OS9: variants seen among roughly 807,000 people sequenced by gnomAD.
The protein encoded by OS9 is OS9 endoplasmic reticulum lectin.
OS9 carries 58 observed loss-of-function variants against 84.7 expected under a neutral mutation model. The ratio of observed to expected loss-of-function variants is 0.68; its 90% confidence interval spans 0.55 to 0.85. OS9 has a LOEUF of 0.85. Ranked by LOEUF, OS9 falls within the 40% of genes least tolerant of loss-of-function variation. The pLI, the probability that OS9 is intolerant of heterozygous loss-of-function variation, is 0.00. For missense variants in OS9, 760 were observed against 850.9 expected (o/e 0.89, Z 1.33); for synonymous variants, 278 against 320.8 (o/e 0.87, Z 1.43).
intron 5 of OS9, among the ~76,000 whole-genome samples, chr12:57,705,911 C>T (rs1954152717): frequency 6.6e-6 from 1 of 152,098 alleles, no homozygotes; most frequent in Non-Finnish European, 1.5e-5. Context: ...CTTTTTTGAA[C>T]TCTTTCATTT....
At chr12:57,719,682 A>G (rs933529067) in intron 12 of OS9, 5 of 196,070 alleles carry the variant, frequency 2.6e-5, no homozygotes, top group African/African-American at 9.4e-5. Flanking sequence ...AGATATTCTA[A>G]ATGGAATGTT....
At chr12:57,717,657 G>A (rs1048212821) in intron 9 of OS9, among the ~76,000 whole-genome samples, 8 of 151,984 alleles carry the variant, frequency 5.3e-5, no homozygotes, top group Admixed American at 3.3e-4. Context: ...GCTGGGTGTG[G>A]TGGCAGGCGC....
intron 5 of OS9, among the ~76,000 whole-genome samples, chr12:57,699,491 C>T (rs768128838): frequency 9.9e-5 from 15 of 152,036 alleles, no homozygotes; most frequent in Admixed American, 5.9e-4. Context: ...GACATGGAAA[C>T]GAGGAAGGAC....
At chr12:57,714,269 C>T (rs1633360) in intron 5 of OS9, among the ~76,000 whole-genome samples, 80,182 of 151,972 alleles carry the variant, frequency 0.53, 21,715 homozygotes, top group Middle Eastern at 0.69. Context: ...TGCAATGGTG[C>T]GATCTCGGCT....
intron 5 of OS9, among the ~76,000 whole-genome samples, 193 bp downstream of exon 5, chr12:57,696,566 C>T (rs889253979): frequency 2.6e-5 from 4 of 151,354 alleles, no homozygotes; most frequent in East Asian, 1.9e-4. Context: ...GAGGCCGAGG[C>T]GGGCAGATCA....
rs371514476 is a variant in OS9, at chr12:57,715,812, A to T, written c.632A>T (p.Asp211Val). Residue 211 changes from aspartate (D) to valine (V), a missense_variant, in exon 6 of 15, where the codon GAC becomes GTC. Physicochemically the swap from Asp to Val is radical, Grantham distance 152. Coordinates refer to ENST00000315970, the MANE Select transcript of OS9 (RefSeq NM_006812.4). ...TCTGGGGACTACATCGATCGCGTGGACGAGCCCTTGTCCTGCTCTTATGTG... is the reference window on the plus strand; with the variant it reads ...TCTGGGGACTACATCGATCGCGTGGTCGAGCCCTTGTCCTGCTCTTATGTG... Reference protein sequence around the residue: ...GISGDYIDRVDEPLSCSYVLT... With the variant: ...GISGDYIDRVVEPLSCSYVLT... 1.2e-6 allele frequency: 2 copies of T among 1,613,810 alleles called. No homozygotes were observed. The highest frequency in any genetic ancestry group is 2.7e-5 in the African/African-American group (2 of 74,906).
chr12:57,718,102 G>C, intron 10 of OS9, 44 bp from the exon 11 acceptor site: 1 of 1,594,180 alleles, frequency 6.3e-7, no homozygotes, highest in Non-Finnish European at 8.6e-7. Context: ...ATGTGTCTCT[G>C]TTGAAACCCC....
chr12:57,698,788 G>A (rs550744371), intron 5 of OS9, among the ~76,000 whole-genome samples: 12 of 152,290 alleles, frequency 7.9e-5, no homozygotes, highest in South Asian at 2.1e-4. Context: ...GAGGAGTGTA[G>A]GAGATGAGTC....
intron 9 of OS9, 45 bp downstream of exon 9, chr12:57,716,789 T>C: frequency 1.3e-6 from 2 of 1,565,456 alleles, no homozygotes; most frequent in Non-Finnish European, 1.8e-6. Flanking sequence ...TATTTTAGGA[T>C]TGGCAGGGGT....
Position 57,715,744 on chromosome 12 carries a change from C to T in OS9, c.580-16C>T. ...TTGTTGGTGATTAAGTGTATTCATC[C>T]TTTCTGTCCTGGCAGTTCCTCTGTG... is the stretch of plus-strand genomic sequence containing the variant. On this transcript the variant is annotated splice_polypyrimidine_tract_variant and intron_variant, in intron 5 of 14. Transcript: ENST00000315970. 1 of 1,570,132 alleles carries T rather than the reference C, an allele frequency of 6.4e-7. No individual in the cohort carries two copies. Among genetic ancestry groups the T allele is most frequent in the Non-Finnish European group, 8.7e-7 (1 of 1,152,594 alleles).
intron 5 of OS9, among the ~76,000 whole-genome samples, chr12:57,703,701 T>C (rs1954087498): frequency 1.3e-5 from 2 of 152,228 alleles, no homozygotes; most frequent in Admixed American, 1.3e-4. Flanking sequence ...TCTAACTTTG[T>C]TCTTTTTTTA....
intron 10 of OS9, 23 bp downstream of exon 10, chr12:57,717,981 G>A: frequency 6.3e-7 from 1 of 1,584,624 alleles, no homozygotes; most frequent in Non-Finnish European, 8.6e-7. Context: ...CTTAGGGAAT[G>A]GGTAGAACCC....
intron 12 of OS9, 68 bp downstream of exon 12, chr12:57,719,250 C>T (rs1205363120): frequency 1.4e-6 from 2 of 1,382,862 alleles, no homozygotes; most frequent in East Asian, 2.3e-5. Flanking sequence ...GTTCTGTTCC[C>T]AGAGGGGACC....
chr12:57,701,262 ATTTTTTTTTTTTT>A (rs556973162), intron 5 of OS9, among the ~76,000 whole-genome samples: 4 of 71,472 alleles, frequency 5.6e-5, no homozygotes, highest in South Asian at 6.3e-4. Context: ...TGGTTGAGTG[ATTTTTTTTTTTTT>A]TTTTTTTTTT....
At chr12:57,704,500 G>T (rs1954111864) in intron 5 of OS9, among the ~76,000 whole-genome samples, 1 of 151,660 alleles carries the variant, frequency 6.6e-6, no homozygotes, top group Non-Finnish European at 1.5e-5. Flanking sequence ...TTGCACCACT[G>T]CTCTCCAACC....
intron 11 of OS9, among the ~76,000 whole-genome samples, chr12:57,718,661 T>C (rs1247190743): frequency 6.6e-6 from 1 of 151,984 alleles, no homozygotes; most frequent in East Asian, 1.9e-4. Context: ...TCCCAGCACT[T>C]TGGGAGGCCG....
chr12:57,704,124 G>A (rs1422970862), intron 5 of OS9, among the ~76,000 whole-genome samples: 1 of 152,104 alleles, frequency 6.6e-6, no homozygotes, highest in Non-Finnish European at 1.5e-5. Flanking sequence ...TACCTATGTT[G>A]AACCATCCTT....
At position 57,720,147 on chromosome 12, in the gene OS9, T is replaced by A; in HGVS notation, c.1649T>A (p.Leu550His). 2 of 1,614,180 alleles carry A rather than the reference T, an allele frequency of 1.2e-6. No homozygotes were observed. The highest frequency in any genetic ancestry group is 1.7e-6 in the Non-Finnish European group (2 of 1,180,042). The change falls in exon 13 of 15, where the codon CTC (leucine) becomes CAC (histidine). Residue 550 changes from leucine to histidine, a missense_variant. By Grantham distance (99) the Leu-to-His change is moderately conservative. Transcript: ENST00000315970. ...RVRVRVTKLR[L>H]GGPNQDLTVL... ...CGGGTCCGGGTCACCAAGCTCCGTC[T>A]CGGAGGCCCTAATCAGGATCTGACT...
At position 57,695,764 on chromosome 12, in the gene OS9, A is replaced by G; in HGVS notation, c.340-16A>G. The G allele has an allele frequency of 8.2e-6, 13 of 1,584,382 alleles. No homozygotes were observed. Among genetic ancestry groups the G allele is most frequent in the Non-Finnish European group, 1.0e-5 (12 of 1,152,950 alleles). ...CTGCACTCCATCCCCCTGATTGTTT[A>G]TTTTTTAATTGTCAGACAAAGGACT... On this transcript the variant is annotated splice_polypyrimidine_tract_variant and intron_variant, in intron 2 of 14. Coordinates refer to ENST00000315970, the MANE Select transcript of OS9 (RefSeq NM_006812.4).
Sources: allele counts gnomAD v4.1 joint callset (sites outside exome capture counted in the v4.1 genomes callset), GRCh38; gene constraint gnomAD v4.1.1; transcripts MANE v1.5; gene names NCBI Gene and HGNC (gene_info 2026-07-23, HGNC 2026-07-21).